RPS6KC1: variants seen among roughly 807,000 people sequenced by gnomAD.
The protein encoded by RPS6KC1 is ribosomal protein S6 kinase C1.
Under a neutral mutation model 103.8 loss-of-function variants are expected in RPS6KC1, and 54 were observed. That is an observed-to-expected ratio of 0.52 (90% confidence interval 0.42 to 0.65). The LOEUF (loss-of-function observed/expected upper bound fraction) is 0.65, where lower values mean the gene tolerates loss of function less well. Among genes scored for constraint, RPS6KC1 ranks in the 30% least tolerant of loss-of-function variants. The pLI is 0.00. For synonymous variants in RPS6KC1, 439 were observed against 438.7 expected, an observed-to-expected ratio of 1.00 and a Z score of -0.01; for missense variants, 1,151 against 1,253.8, an observed-to-expected ratio of 0.92 and a Z score of 1.24.
the RPS6KC1 span, among the ~76,000 whole-genome samples, chr1:213,741,475 T>C: frequency 1.3e-5 from 2 of 151,970 alleles, no homozygotes; most frequent in Non-Finnish European, 2.9e-5. Context: ...TAATGGCAAA[T>C]ATTTCTCCCT....
the RPS6KC1 span, among the ~76,000 whole-genome samples, chr1:213,771,711 G>A: frequency 3.5e-3 from 528 of 152,278 alleles, 3 homozygotes; most frequent in African/African-American, 0.011. Context: ...AAAAGCAAAT[G>A]TTCTAGGTAG....
chr1:213,441,422 A>G, the RPS6KC1 span, among the ~76,000 whole-genome samples: 1 of 152,200 alleles, frequency 6.6e-6, no homozygotes, highest in Non-Finnish European at 1.5e-5. Flanking sequence ...GGTTCCACAT[A>G]TAATTGAGAA....
chr1:213,723,840 C>CAG, the RPS6KC1 span, among the ~76,000 whole-genome samples: 36 of 147,892 alleles, frequency 2.4e-4, no homozygotes, highest in African/African-American at 8.8e-4. Context: ...TATTCTGGTG[C>CAG]AGAGAGAGAG....
At chr1:213,539,928 A>G in the RPS6KC1 span, among the ~76,000 whole-genome samples, 1 of 152,248 alleles carries the variant, frequency 6.6e-6, no homozygotes, top group Admixed American at 6.5e-5. Flanking sequence ...GTGTACAATA[A>G]TATTTTGTCT....
the RPS6KC1 span, among the ~76,000 whole-genome samples, chr1:213,851,964 C>T: frequency 6.6e-6 from 1 of 152,278 alleles, no homozygotes; most frequent in Admixed American, 6.5e-5. Flanking sequence ...CTTGGAACTC[C>T]TGGTATAGCC....
the RPS6KC1 span, among the ~76,000 whole-genome samples, chr1:213,786,420 A>C: frequency 6.6e-6 from 1 of 152,186 alleles, no homozygotes; most frequent in Non-Finnish European, 1.5e-5. Flanking sequence ...GACAACATGA[A>C]AATGAAATTC....
At chr1:213,199,614 C>G (rs1382880195) in intron 8 of RPS6KC1, among the ~76,000 whole-genome samples, 1 of 152,180 alleles carries the variant, frequency 6.6e-6, no homozygotes, top group African/African-American at 2.4e-5. Flanking sequence ...CCTTGCCACT[C>G]TTATTCAACA....
At chr1:213,512,000 C>T in the RPS6KC1 span, among the ~76,000 whole-genome samples, 2 of 152,192 alleles carry the variant, frequency 1.3e-5, no homozygotes, top group Non-Finnish European at 2.9e-5. Context: ...TTTAGTAAGA[C>T]TTTATTGAAT....
chr1:213,288,305 AT>A, the RPS6KC1 span, among the ~76,000 whole-genome samples: 1 of 152,216 alleles, frequency 6.6e-6, no homozygotes, highest in Non-Finnish European at 1.5e-5. Context: ...GACCCTAGTG[AT>A]TAGTGGCATG....
the RPS6KC1 span, among the ~76,000 whole-genome samples, chr1:213,311,897 T>G: frequency 2.0e-5 from 3 of 150,006 alleles, no homozygotes. Context: ...GAGGATCTTT[T>G]TTTTTTTTTT....
chr1:213,821,069 A>G, the RPS6KC1 span: 2 of 152,236 alleles, frequency 1.3e-5, no homozygotes, highest in Non-Finnish European at 2.9e-5. Context: ...AAGAGGCTAC[A>G]GCAATAACAG....
the RPS6KC1 span, among the ~76,000 whole-genome samples, chr1:213,662,428 ATTTTTT>A: frequency 1.6e-4 from 19 of 120,922 alleles, no homozygotes; most frequent in South Asian, 8.3e-4. Flanking sequence ...CACCTGGCTA[ATTTTTT>A]TTTTTTTTTT....
At chr1:213,717,166 A>G in the RPS6KC1 span, among the ~76,000 whole-genome samples, 4 of 152,238 alleles carry the variant, frequency 2.6e-5, no homozygotes, top group South Asian at 8.3e-4. Flanking sequence ...TGTTGATATG[A>G]AAATGAAAAA....
intron 10 of RPS6KC1, among the ~76,000 whole-genome samples, chr1:213,239,739 G>A (rs1407970096): frequency 1.3e-5 from 2 of 151,956 alleles, no homozygotes; most frequent in Non-Finnish European, 2.9e-5. Flanking sequence ...TTCTGTCTCC[G>A]CAAAGTATAC....
chr1:213,721,536 C>G, the RPS6KC1 span, among the ~76,000 whole-genome samples: 2 of 152,168 alleles, frequency 1.3e-5, no homozygotes, highest in African/African-American at 4.8e-5. Flanking sequence ...TAATGTGGAA[C>G]TGTGAGTCCA....
At chr1:213,761,617 A>C in the RPS6KC1 span, among the ~76,000 whole-genome samples, 11 of 152,318 alleles carry the variant, frequency 7.2e-5, no homozygotes, top group African/African-American at 1.2e-4. Flanking sequence ...CGGACAGGCA[A>C]ATGGCTTCTG....
the RPS6KC1 span, among the ~76,000 whole-genome samples, chr1:213,602,033 TC>T: frequency 0.022 from 423 of 19,612 alleles, 59 homozygotes; most frequent in East Asian, 0.099. Flanking sequence ...TCTTTCTCTT[TC>T]TCTTTCTTTC....
At chr1:213,503,223 C>G in the RPS6KC1 span, among the ~76,000 whole-genome samples, 1 of 152,152 alleles carries the variant, frequency 6.6e-6, no homozygotes, top group Non-Finnish European at 1.5e-5. Flanking sequence ...TATAGTTTCA[C>G]TTGGCACAGT....
the RPS6KC1 span, among the ~76,000 whole-genome samples, chr1:213,748,171 A>C: frequency 6.6e-6 from 1 of 152,186 alleles, no homozygotes; most frequent in Non-Finnish European, 1.5e-5. Context: ...AAAATGGAAG[A>C]AGTCAGCCTC....
Sources: gnomAD v4.1 joint callset for allele counts (sites outside exome capture counted in the v4.1 genomes callset) on GRCh38, gnomAD v4.1.1 for gene constraint, MANE v1.5 for transcripts, NCBI Gene and HGNC (gene_info 2026-07-23, HGNC 2026-07-21) for gene names.